The following MYH11 variants were observed in gnomAD, a reference collection of about 807,000 sequenced individuals.
MYH11 encodes the protein myosin-11.
A neutral mutation model predicts 246.6 loss-of-function variants in MYH11; 80 were observed. The ratio of observed to expected loss-of-function variants is 0.32; its 90% CI spans 0.27 to 0.39. MYH11 has a LOEUF of 0.39. MYH11 is among the 10% of genes least tolerant of loss of function. MYH11 has a pLI of 1.00. For missense variants in MYH11, 2,158 were observed against 2,546.8 expected (o/e 0.85, Z 3.29); for synonymous variants, 1,071 against 1,015.5 (o/e 1.05, Z -1.04).
chr16:15,722,126 G>T (rs145950940), intron 31 of MYH11, among the ~76,000 whole-genome samples: 1 of 151,958 alleles, frequency 6.6e-6, no homozygotes, highest in Admixed American at 6.6e-5. Context: ...CCCAAAGCAC[G>T]GAGATTACAG....
chr16:15,729,421 A>C (rs752199412), intron 27 of MYH11, among the ~76,000 whole-genome samples: 7 of 151,966 alleles, frequency 4.6e-5, no homozygotes, highest in Non-Finnish European at 8.8e-5. Flanking sequence ...TGGTGGTCTT[A>C]ATAACTGCGT....
Position 15,760,565 on chromosome 16 carries a change from A to G in MYH11, c.1223T>C (p.Val408Ala). Residue 408 changes from valine to alanine, a missense_variant, in exon 11 of 41, where the codon GTA (valine) becomes GCA (alanine). Physicochemically the swap from Val to Ala is moderately conservative, Grantham distance 64. Coordinates refer to ENST00000300036, the MANE Select transcript of MYH11 (RefSeq NM_002474.3). ...TPRIKVGRDV[V>A]QKAQTKEQAD... is the part of the protein sequence containing the mutation. Reference sequence around the variant, plus strand: ...CTGTTCTTTTGTCTGAGCTTTCTGTACCACATCTCGCCCAACCTTGATACG... The same window carrying G: ...CTGTTCTTTTGTCTGAGCTTTCTGTGCCACATCTCGCCCAACCTTGATACG... The G allele has an allele frequency of 6.2e-7, 1 of 1,613,424 alleles. No homozygotes were observed. The highest frequency in any genetic ancestry group is 8.5e-7 in the Non-Finnish European group (1 of 1,179,352).
chr16:15,811,295 T>C (rs2043132285), intron 3 of MYH11, among the ~76,000 whole-genome samples: 1 of 152,228 alleles, frequency 6.6e-6, no homozygotes, highest in African/African-American at 2.4e-5. Context: ...ACACAAGGCC[T>C]ATGCTAGTCC....
chr16:15,838,696 C>A (rs920182336), intron 1 of MYH11, among the ~76,000 whole-genome samples: 8 of 151,914 alleles, frequency 5.3e-5, no homozygotes, highest in African/African-American at 1.9e-4. Context: ...CCCGTCTCTA[C>A]TGAAAATACA....
intron 20 of MYH11, among the ~76,000 whole-genome samples, chr16:15,743,533 C>G (rs1331567674): frequency 1.3e-5 from 2 of 152,176 alleles, no homozygotes; most frequent in Non-Finnish European, 2.9e-5. Flanking sequence ...TTCCAAAAAG[C>G]AGCATCTGCT....
At chr16:15,804,422 T>TGA (rs761267065) in intron 3 of MYH11, among the ~76,000 whole-genome samples, 11 of 152,046 alleles carry the variant, frequency 7.2e-5, no homozygotes, top group Admixed American at 1.3e-4. Flanking sequence ...CTCAGGAGGC[T>TGA]GAGGCAGGAG....
At chr16:15,768,274 G>A (rs1480462461) in intron 9 of MYH11, among the ~76,000 whole-genome samples, 1 of 152,218 alleles carries the variant, frequency 6.6e-6, no homozygotes, top group Non-Finnish European at 1.5e-5. Flanking sequence ...CAATTTAGGT[G>A]ATTTTATTTT....
At chr16:15,719,002 C>T (rs2040321181) in intron 36 of MYH11, 1 of 601,580 alleles carries the variant, frequency 1.7e-6, no homozygotes, top group East Asian at 3.1e-5. Context: ...GTGGTACACA[C>T]CTGTAGTCTC....
chr16:15,788,075 A>ATTTTTTTTTTTTT lies in MYH11; in HGVS notation c.531-1344_531-1343insAAAAAAAAAAAAA, dbSNP rs1555569323. Among the ~76,000 whole-genome samples the ATTTTTTTTTTTTT allele has an allele frequency of 6.6e-4, 28 of 42,714 alleles. 1 individual carries two copies. Among genetic ancestry groups the ATTTTTTTTTTTTT allele is most frequent in the African/African-American group, 3.7e-3 (28 of 7,620 alleles). The allele number at this position is 42,714 out of a possible 152,430, so 28.0% of individuals were successfully genotyped here. On this transcript the variant is annotated intron_variant, in intron 4 of 40. Coordinates refer to ENST00000300036, the MANE Select transcript of MYH11 (RefSeq NM_002474.3). ...ATGTCCTCCTGGAATATGAAGGTAG[A>ATTTTTTTTTTTTT]TCTTTTTTTTTTTTTTTTTTACCAA... is the stretch of plus-strand genomic sequence containing the variant.
chr16:15,723,321 A>T (rs557352039), intron 31 of MYH11, among the ~76,000 whole-genome samples: 3 of 152,216 alleles, frequency 2.0e-5, no homozygotes, highest in African/African-American at 7.2e-5. Context: ...TACCCAAGAG[A>T]TAAGGCATGA....
At chr16:15,809,780 A>T (rs2043096679) in intron 3 of MYH11, among the ~76,000 whole-genome samples, 2 of 151,454 alleles carry the variant, frequency 1.3e-5, no homozygotes, top group African/African-American at 4.8e-5. Flanking sequence ...AAAATTAGCC[A>T]GTTGTACTGG....
At chr16:15,734,588 C>T (rs780032606) in intron 26 of MYH11, among the ~76,000 whole-genome samples, 4 of 152,076 alleles carry the variant, frequency 2.6e-5, no homozygotes, top group East Asian at 1.9e-4. Context: ...GGCGTGAGCC[C>T]GACCCTAAAG....
In MYH11 at chr16:15,737,618, G is replaced by C; in HGVS notation, c.3124C>G (p.Arg1042Gly). ...CGGCTCTTCTCTTCCTTCTTTAGCC[G>C]CACTGCAAAAACCAAGGTGCTCTTC... is the stretch of plus-strand genomic sequence containing the variant. ...HESMISELEV[R>G]LKKEEKSRQE... Residue 1042 changes from arginine to glycine, a missense_variant and splice_region_variant, in exon 25 of 41, where the codon CGG (arginine) becomes GGG (glycine). Arg to Gly is a moderately radical substitution (Grantham distance 125). Coordinates refer to ENST00000300036, the MANE Select transcript of MYH11 (RefSeq NM_002474.3). The C allele has an allele frequency of 1.9e-6, 3 of 1,611,850 alleles. No individual in the cohort carries two copies. The South Asian group carries it at 3.3e-5, about 18-fold the overall frequency.
At chr16:15,707,213 T>C (rs930642074) in intron 40 of MYH11, among the ~76,000 whole-genome samples, 1 of 152,108 alleles carries the variant, frequency 6.6e-6, no homozygotes, top group Non-Finnish European at 1.5e-5. Context: ...ATTTTTGTAT[T>C]TTTAGGAGAG....
At chr16:15,811,367 T>C (rs1365840385) in intron 3 of MYH11, among the ~76,000 whole-genome samples, 1 of 152,124 alleles carries the variant, frequency 6.6e-6, no homozygotes, top group Non-Finnish European at 1.5e-5. Flanking sequence ...TACTACACTA[T>C]CTATACCACG....
intron 3 of MYH11, among the ~76,000 whole-genome samples, chr16:15,808,182 G>C (rs1474185438): frequency 6.6e-6 from 1 of 152,222 alleles, no homozygotes; most frequent in Admixed American, 6.5e-5. Flanking sequence ...AGAGGTTCTG[G>C]ATCTTCTGTG....
chr16:15,766,266 C>G (rs1171309155), intron 9 of MYH11, among the ~76,000 whole-genome samples: 1 of 151,838 alleles, frequency 6.6e-6, no homozygotes, highest in South Asian at 2.1e-4. Context: ...GGGATATAAG[C>G]CAAGTGTTGC....
chr16:15,747,024 G>C (rs922603493), intron 19 of MYH11, among the ~76,000 whole-genome samples: 2 of 152,024 alleles, frequency 1.3e-5, no homozygotes, highest in African/African-American at 4.8e-5. Context: ...AGAGGCAGAG[G>C]TTGCAGTGAG....
At chr16:15,748,309 G>A in intron 16 of MYH11, 141 bp from the exon 17 acceptor site, 1 of 1,417,294 alleles carries the variant, frequency 7.1e-7, no homozygotes, top group East Asian at 2.5e-5. Flanking sequence ...TTAGCTGAGG[G>A]CCGAGGGGCA....
Sources: gnomAD v4.1 joint callset for allele counts (sites outside exome capture counted in the v4.1 genomes callset) on GRCh38, gnomAD v4.1.1 for gene constraint, MANE v1.5 for transcripts, NCBI Gene and HGNC (gene_info 2026-07-23, HGNC 2026-07-21) for gene names.